CXCR2: variants seen among roughly 807,000 people sequenced by gnomAD.
The protein encoded by CXCR2 is C-X-C chemokine receptor type 2.
In CXCR2, 2 loss-of-function variants were observed where a neutral mutation model predicts 3.7. That is an observed-to-expected ratio of 0.55 (90% CI 0.22 to 1.72). CXCR2 has a LOEUF of 1.72. Among genes scored for constraint, CXCR2 ranks in the 40% most tolerant of loss-of-function variants. CXCR2 has a pLI of 0.19. For missense variants in CXCR2, 351 were observed against 450.1 expected (o/e 0.78, Z 1.99); for synonymous variants, 203 against 193.3 (o/e 1.05, Z -0.41).
In CXCR2 at chr2:218,130,293, G is replaced by A. The variant is rs1283481550; in HGVS notation, c.-26+928G>A. ...AAATTGGCCGGGTGCAGTGGCAGGC[G>A]CCTGTAATCTCAGCTACTTGGGAAG... On this transcript the variant is annotated intron_variant, in intron 2 of 2. Coordinates refer to ENST00000318507, the MANE Select transcript of CXCR2 (RefSeq NM_001557.4). 5.9e-5 allele frequency among the ~76,000 whole-genome samples: 9 copies of A among 152,154 alleles called. 2 individuals carry two copies. Among genetic ancestry groups the A allele is most frequent in the Non-Finnish European group, 5.9e-5 (4 of 68,000 alleles).
intron 1 of CXCR2, 95 bp downstream of exon 1, chr2:218,126,448 G>A (rs1265619698): frequency 1.3e-5 from 2 of 152,234 alleles, no homozygotes; most frequent in African/African-American, 2.4e-5. Flanking sequence ...GAGAACTGGG[G>A]TGATGAAGTG....
chr2:218,134,981 G>C lies in CXCR2; in HGVS notation c.180G>C (p.Leu60=), dbSNP rs2106107866. The change falls in exon 3 of 3, where the codon CTG becomes CTC. Residue 60 remains leucine, a synonymous_variant. Coordinates refer to ENST00000318507, the MANE Select transcript of CXCR2 (RefSeq NM_001557.4). ...TCATTATCTATGCCCTGGTATTCCT[G>C]CTGAGCCTGCTGGGAAACTCCCTCG... is the stretch of plus-strand genomic sequence containing the variant. ...FVVIIYALVF[L]LSLLGNSLVM... 1.2e-6 allele frequency: 2 copies of C among 1,614,114 alleles called. No individual in the cohort carries two copies. The highest frequency in any genetic ancestry group is 1.7e-6 in the Non-Finnish European group (2 of 1,180,030).
At chr2:218,126,836 G>GTTTGTTTGT (rs1553638967) in intron 1 of CXCR2, among the ~76,000 whole-genome samples, 1 of 151,462 alleles carries the variant, frequency 6.6e-6, no homozygotes, top group Non-Finnish European at 1.5e-5. Context: ...TTGTTTGTTT[G>GTTTGTTTGT]TTTGTTTTGT....
intron 2 of CXCR2, among the ~76,000 whole-genome samples, chr2:218,129,877 A>C (rs1015480549): frequency 6.6e-5 from 10 of 152,142 alleles, no homozygotes; most frequent in African/African-American, 2.4e-4. Flanking sequence ...GCCATCATCT[A>C]TGGAGTTTCC....
At chr2:218,128,812 G>C (rs539297092) in intron 1 of CXCR2, among the ~76,000 whole-genome samples, 2 of 152,300 alleles carry the variant, frequency 1.3e-5, no homozygotes, top group Admixed American at 1.3e-4. Context: ...GTGGGGCCAA[G>C]AAGTAGAGGC....
At chr2:218,130,481 A>G (rs914373531) in intron 2 of CXCR2, among the ~76,000 whole-genome samples, 3 of 152,132 alleles carry the variant, frequency 2.0e-5, no homozygotes, top group Non-Finnish European at 2.9e-5. Flanking sequence ...GATGAGGTGC[A>G]CTTTTTTTAA....
At chr2:218,128,151 A>G (rs1459365319) in intron 1 of CXCR2, among the ~76,000 whole-genome samples, 3 of 152,354 alleles carry the variant, frequency 2.0e-5, no homozygotes, top group South Asian at 2.1e-4. Flanking sequence ...TGAGACTCAG[A>G]AAGGAAAAGT....
At chr2:218,126,736 C>T (rs1176257678) in intron 1 of CXCR2, among the ~76,000 whole-genome samples, 1 of 152,146 alleles carries the variant, frequency 6.6e-6, no homozygotes, top group Non-Finnish European at 1.5e-5. Context: ...GCAACCTCAA[C>T]CTACAGGTCT....
chr2:218,129,453 C>T (rs1690588763), intron 2 of CXCR2, 88 bp downstream of exon 2: 1 of 152,342 alleles, frequency 6.6e-6, no homozygotes, highest in African/African-American at 2.4e-5. Flanking sequence ...TTATCCTAAG[C>T]ATCTCTCCCC....
At chr2:218,133,325 A>G (rs1690696783) in intron 2 of CXCR2, among the ~76,000 whole-genome samples, 2 of 113,302 alleles carry the variant, frequency 1.8e-5, no homozygotes, top group East Asian at 2.6e-4. Flanking sequence ...TTTGAGGCAG[A>G]GTCTCGCTCT....
rs200919436 is a variant in CXCR2, at chr2:218,129,304, C to T, written c.-77-10C>T. On this transcript the variant is annotated splice_polypyrimidine_tract_variant and intron_variant, in intron 1 of 2. Coordinates refer to ENST00000318507, the MANE Select transcript of CXCR2 (RefSeq NM_001557.4). ...TCCACTGTGTTCTCACCACCACCTC[C>T]CTTTCATAGGTCACAGCTGCTCTTC... 2 of 152,384 alleles carry T rather than the reference C, an allele frequency of 1.3e-5. No homozygotes were observed. Among genetic ancestry groups the T allele is most frequent in the Non-Finnish European group, 2.9e-5 (2 of 68,076 alleles). 9.4% of individuals were successfully genotyped at this position (152,384 alleles called of 1,614,324 possible).
At chr2:218,128,720 C>G (rs2106099658) in intron 1 of CXCR2, among the ~76,000 whole-genome samples, 1 of 152,140 alleles carries the variant, frequency 6.6e-6, no homozygotes, top group African/African-American at 2.4e-5. Context: ...GTGTGCGAAA[C>G]AAGAAAGAAT....
At chr2:218,133,485 A>G (rs182185556) in intron 2 of CXCR2, among the ~76,000 whole-genome samples, 7 of 151,922 alleles carry the variant, frequency 4.6e-5, no homozygotes, top group Admixed American at 1.3e-4. Flanking sequence ...TTATTAGTAG[A>G]GACAGTGTTT....
rs11574748 is a variant in CXCR2, at chr2:218,134,982, C to T, written c.181C>T (p.Leu61=). ...CATTATCTATGCCCTGGTATTCCTG[C>T]TGAGCCTGCTGGGAAACTCCCTCGT... ...VVIIYALVFL[L]SLLGNSLVML... Residue 61 remains leucine, a synonymous_variant, in exon 3 of 3, where the codon CTG becomes TTG. Transcript: ENST00000318507. The T allele has an allele frequency of 1.8e-3, 2,876 of 1,614,180 alleles. 5 individuals carry two copies. The highest frequency in any genetic ancestry group is 2.3e-3 in the Non-Finnish European group (2,682 of 1,180,042).
Position 218,136,443 on chromosome 2 carries a change from A to G in CXCR2, c.*559A>G, listed in dbSNP as rs55638099. The G allele has an allele frequency of 1.3e-3, 214 of 168,080 alleles. 1 individual carries two copies. Among genetic ancestry groups the G allele is most frequent in the Non-Finnish European group, 1.9e-3 (133 of 68,836 alleles). The allele number at this position is 168,080 out of a possible 1,614,324, so 10.4% of individuals were successfully genotyped here. The stretch of plus-strand genomic sequence containing the variant: ...TGAGACTCTGTCTCAGTCCATGAAG[A>G]TGTAGAGGAGAAACTGGAACTCTCG... On this transcript the variant is annotated 3_prime_UTR_variant, in exon 3 of 3. Transcript: ENST00000318507.
chr2:218,135,273 A>C lies in CXCR2; in HGVS notation c.472A>C (p.Lys158Gln). The C allele has an allele frequency of 1.2e-6, 2 of 1,614,184 alleles. No individual in the cohort carries two copies. The highest frequency in any genetic ancestry group is 1.7e-6 in the Non-Finnish European group (2 of 1,180,036). ...IVHATRTLTQ[K>Q]RYLVKFICLS... ...CCATGCCACACGCACACTGACCCAG[A>C]AGCGCTACTTGGTCAAATTCATATG... Residue 158 changes from lysine to glutamine, a missense_variant, in exon 3 of 3, where the codon AAG becomes CAG. Physicochemically the swap from Lys to Gln is moderately conservative, Grantham distance 53. Coordinates refer to ENST00000318507, the MANE Select transcript of CXCR2 (RefSeq NM_001557.4). This position sits in a 1 kb window ranked among gnomAD's most constrained non-coding sequence, Gnocchi z 4.0.
At position 218,135,040 on chromosome 2, in the gene CXCR2, G is replaced by T. The variant is rs780840157; in HGVS notation, c.239G>T (p.Arg80Leu). 2 of 1,614,192 alleles carry T rather than the reference G, an allele frequency of 1.2e-6. No individual in the cohort carries two copies. The highest frequency in any genetic ancestry group is 8.5e-7 in the Non-Finnish European group (1 of 1,180,036). ...GTCATCTTATACAGCAGGGTCGGCCGCTCCGTCACTGATGTCTACCTGCTG... is the reference window on the plus strand; with the variant it reads ...GTCATCTTATACAGCAGGGTCGGCCTCTCCGTCACTGATGTCTACCTGCTG... ...MLVILYSRVGRSVTDVYLLNL... is the reference protein window; with the variant it reads ...MLVILYSRVGLSVTDVYLLNL... The change falls in exon 3 of 3, where the codon CGC (arginine) becomes CTC (leucine). Residue 80 changes from arginine (R) to leucine (L), a missense_variant. Physicochemically the swap from Arg to Leu is moderately radical, Grantham distance 102 (BLOSUM62 -2). Transcript: ENST00000318507. This position sits in a 1 kb window ranked among gnomAD's most constrained non-coding sequence, Gnocchi z 4.0.
At chr2:218,133,755 G>A (rs1339330384) in intron 2 of CXCR2, among the ~76,000 whole-genome samples, 7 of 152,232 alleles carry the variant, frequency 4.6e-5, no homozygotes, top group Non-Finnish European at 1.5e-5. Flanking sequence ...TGCAGGACAG[G>A]AAGGGTCTCC....
rs1204400254 is a variant in CXCR2, at chr2:218,126,206, G to A, written c.-225G>A. 6.6e-6 allele frequency: 1 copy of A among 152,268 alleles called. No homozygotes were observed. Among genetic ancestry groups the A allele is most frequent in the African/African-American group, 2.4e-5 (1 of 41,400 alleles). 9.4% of individuals were successfully genotyped at this position (152,268 alleles called of 1,614,324 possible). ...TTCCTCTGTGGGAATACCTCCCCAG[G>A]AGGGCATCCTGGATTTCCCCCTTGC... On this transcript the variant is annotated 5_prime_UTR_variant, in exon 1 of 3. Transcript: ENST00000318507.
Sources: gnomAD v4.1 joint callset for allele counts (sites outside exome capture counted in the v4.1 genomes callset) on GRCh38, gnomAD v4.1.1 for gene constraint, Gnocchi (gnomAD v3.1) non-coding constraint, MANE v1.5 for transcripts, NCBI Gene and HGNC (gene_info 2026-07-23, HGNC 2026-07-21) for gene names.